The following CFAP20DC variants were observed in gnomAD, a reference collection of about 807,000 sequenced individuals.
CFAP20DC encodes CFAP20 domain containing.
CFAP20DC carries 84 observed loss-of-function variants against 101.7 expected under a neutral mutation model. The observed-to-expected ratio is 0.83, with a 90% CI of 0.69 to 0.99. CFAP20DC has a LOEUF of 0.99. CFAP20DC is among the 50% of genes least tolerant of loss of function. The probability of loss-of-function intolerance (pLI) is 0.00; values close to 1 mark genes in which losing one functional copy is unlikely to be tolerated. For synonymous variants in CFAP20DC, 359 were observed against 351.2 expected, an observed-to-expected ratio of 1.02 and a Z score of -0.25; for missense variants, 1,007 against 970.3, an observed-to-expected ratio of 1.04 and a Z score of -0.50.
At position 58,742,309 on chromosome 3, in the gene CFAP20DC, T is replaced by C. The variant is rs1396193970; in HGVS notation, c.*151A>G. 1.6e-6 allele frequency: 2 copies of C among 1,252,168 alleles called. No homozygotes were observed. Among genetic ancestry groups the C allele is most frequent in the Non-Finnish European group, 2.0e-6 (2 of 992,820 alleles). The allele number at this position is 1,252,168 out of a possible 1,614,324, so 77.6% of individuals were successfully genotyped here. A position where few individuals can be genotyped will look rare whatever the true frequency, so the allele number is the denominator to read the frequency against. On this transcript the variant is annotated 3_prime_UTR_variant, in exon 17 of 17. Transcript: ENST00000482387. The stretch of plus-strand genomic sequence containing the variant: ...AAAAGGAATATAGGTATTCTTAACG[T>C]TGAACATTATTTACAAAATGAATTC...
At chr3:58,919,310 C>T (rs2085084301) in intron 5 of CFAP20DC, among the ~76,000 whole-genome samples, 1 of 151,966 alleles carries the variant, frequency 6.6e-6, no homozygotes, top group Non-Finnish European at 1.5e-5. Flanking sequence ...CCACAATTTG[C>T]TCGTTCTTCT....
intron 15 of CFAP20DC, among the ~76,000 whole-genome samples, chr3:58,758,889 AG>A (rs1316627917): frequency 2.6e-4 from 39 of 152,256 alleles, no homozygotes; most frequent in African/African-American, 8.9e-4. Context: ...ATGGCTGCAT[AG>A]TATTCCATGG....
chr3:58,977,728 T>TAAA (rs57717110), intron 4 of CFAP20DC, among the ~76,000 whole-genome samples: 1 of 116,482 alleles, frequency 8.6e-6, no homozygotes. Flanking sequence ...AGTGGCGAAG[T>TAAA]AAAAAAAAAA....
chr3:58,899,823 G>A lies in CFAP20DC; in HGVS notation c.550+13885C>T, dbSNP rs756953538. ...AAGCTGTTTGCCTAGTCAGTAATGT[G>A]AGAACCTGGATATTTCAGCTGAGGG... On this transcript the variant is annotated intron_variant, in intron 6 of 16. Transcript: ENST00000482387. The surrounding 1 kb of genome is among the most constrained non-coding windows in gnomAD (Gnocchi z 5.0). 2.8e-4 allele frequency among the ~76,000 whole-genome samples: 42 copies of A among 152,132 alleles called. No individual in the cohort carries two copies. Among genetic ancestry groups the A allele is most frequent in the Non-Finnish European group, 5.0e-4 (34 of 68,026 alleles).
At chr3:58,830,663 ATAAATGAG>A (rs2076337844) in intron 14 of CFAP20DC, among the ~76,000 whole-genome samples, 1 of 152,210 alleles carries the variant, frequency 6.6e-6, no homozygotes, top group South Asian at 2.1e-4. Flanking sequence ...ATAGTTATAT[ATAAATGAG>A]TAAAAGTTAT....
intron 4 of CFAP20DC, among the ~76,000 whole-genome samples, chr3:58,951,089 G>T (rs1469867503): frequency 6.6e-6 from 1 of 151,818 alleles, no homozygotes; most frequent in Non-Finnish European, 1.5e-5. Flanking sequence ...ATCAACAAGT[G>T]GGTGAAGGAT....
chr3:58,817,030 A>G (rs1194103458), intron 14 of CFAP20DC, among the ~76,000 whole-genome samples: 1 of 152,134 alleles, frequency 6.6e-6, no homozygotes, highest in African/African-American at 2.4e-5. Context: ...GCAGCAGCAC[A>G]CTGACACCTC....
intron 5 of CFAP20DC, among the ~76,000 whole-genome samples, chr3:58,930,127 C>A (rs931642689): frequency 1.9e-4 from 29 of 152,162 alleles, no homozygotes; most frequent in Admixed American, 6.5e-5. Flanking sequence ...CTGACTCTTG[C>A]TCTCACAGAA....
At chr3:58,993,124 A>C (rs1264602039) in intron 4 of CFAP20DC, among the ~76,000 whole-genome samples, 1 of 152,230 alleles carries the variant, frequency 6.6e-6, no homozygotes, top group Non-Finnish European at 1.5e-5. Context: ...GAATATATCT[A>C]ACACCACAGA....
chr3:58,856,122 A>T (rs1371578082), intron 12 of CFAP20DC, among the ~76,000 whole-genome samples: 1 of 151,764 alleles, frequency 6.6e-6, no homozygotes, highest in Non-Finnish European at 1.5e-5. Context: ...AATAATACTA[A>T]AAAAAAACCC....
Position 59,006,740 on chromosome 3 carries a change from G to A in CFAP20DC, c.278+32817C>T, listed in dbSNP as rs139418637. On this transcript the variant is annotated intron_variant, in intron 4 of 16. Coordinates refer to ENST00000482387, the MANE Select transcript of CFAP20DC (RefSeq NM_001394063.1). This position sits in a 1 kb window ranked among gnomAD's most constrained non-coding sequence, Gnocchi z 4.3. Reference sequence around the variant, plus strand: ...TAGGGGAAGACAGCCAGCAGAATTAGGGAGGGGTCACAAGATGAATGAAGC... The same window carrying A: ...TAGGGGAAGACAGCCAGCAGAATTAAGGAGGGGTCACAAGATGAATGAAGC... 3.9e-5 allele frequency among the ~76,000 whole-genome samples: 6 copies of A among 152,276 alleles called. No homozygotes were observed. In the East Asian group the frequency reaches 1.2e-3, roughly 29 times the overall value.
chr3:58,998,665 T>C (rs1432162350), intron 4 of CFAP20DC, among the ~76,000 whole-genome samples: 2 of 152,168 alleles, frequency 1.3e-5, no homozygotes, highest in Non-Finnish European at 2.9e-5. Context: ...AGCCATGTGA[T>C]AGACATTAGT....
chr3:58,887,976 A>T (rs2081799157), intron 6 of CFAP20DC, among the ~76,000 whole-genome samples: 1 of 152,228 alleles, frequency 6.6e-6, no homozygotes, highest in Non-Finnish European at 1.5e-5. Context: ...TTGTGAAACC[A>T]AACTATGAAA....
intron 4 of CFAP20DC, among the ~76,000 whole-genome samples, chr3:59,026,005 C>T (rs58758391): frequency 0.018 from 2,674 of 151,926 alleles, 64 homozygotes; most frequent in African/African-American, 0.06. Flanking sequence ...ATATACCTAC[C>T]ACATATGTTA....
intron 4 of CFAP20DC, among the ~76,000 whole-genome samples, chr3:58,996,892 A>T (rs1362291525): frequency 5.9e-5 from 9 of 152,146 alleles, no homozygotes; most frequent in African/African-American, 2.2e-4. Flanking sequence ...GGAAGAGCGC[A>T]CACCGGGGTG....
At chr3:58,902,205 T>C (rs1012270286) in intron 6 of CFAP20DC, among the ~76,000 whole-genome samples, 1 of 152,226 alleles carries the variant, frequency 6.6e-6, no homozygotes, top group African/African-American at 2.4e-5. Flanking sequence ...TGATGAACAC[T>C]TGGGCTGTTT....
In CFAP20DC at chr3:58,993,368, C is replaced by A. The variant is rs553971137; in HGVS notation, c.278+46189G>T. 5.8e-4 allele frequency among the ~76,000 whole-genome samples: 88 copies of A among 152,242 alleles called. 1 individual carries two copies. The South Asian group carries it at 7.3e-3, about 13-fold the overall frequency. On this transcript the variant is annotated intron_variant, in intron 4 of 16. Coordinates refer to ENST00000482387, the MANE Select transcript of CFAP20DC (RefSeq NM_001394063.1). ...GTGTGATTGACTGAAATAGAGAACG[C>A]TGTTTACCCCTAATTCTGGCCTCTT... is the stretch of plus-strand genomic sequence containing the variant.
Position 59,026,722 on chromosome 3 carries a change from C to T in CFAP20DC, c.278+12835G>A, listed in dbSNP as rs1232515683. Among the ~76,000 whole-genome samples, 4 of 152,102 alleles carry T rather than the reference C, an allele frequency of 2.6e-5. No individual in the cohort carries two copies. In the South Asian group the frequency reaches 6.2e-4, roughly 24 times the overall value. On this transcript the variant is annotated intron_variant, in intron 4 of 16. Coordinates refer to ENST00000482387, the MANE Select transcript of CFAP20DC (RefSeq NM_001394063.1). ...TTTCAAAGGAGCCTACTGTCTCTAACGTCACTGAAGAAGGAAAGGTAGGAG... is the reference window on the plus strand; with the variant it reads ...TTTCAAAGGAGCCTACTGTCTCTAATGTCACTGAAGAAGGAAAGGTAGGAG...
chr3:58,740,155 TGAGAA>T (rs1323318218), downstream of CFAP20DC, among the ~76,000 whole-genome samples: 1 of 152,006 alleles, frequency 6.6e-6, no homozygotes, highest in African/African-American at 2.4e-5. The surrounding 1 kb of genome is among the most constrained non-coding windows in gnomAD (Gnocchi z 4.6). Flanking sequence ...GAGAAATGTA[TGAGAA>T]GAGAGAAGAG....
Sources: gnomAD v4.1 joint callset for allele counts (sites outside exome capture counted in the v4.1 genomes callset) on GRCh38, gnomAD v4.1.1 for gene constraint, Gnocchi (gnomAD v3.1) non-coding constraint, MANE v1.5 for transcripts, NCBI Gene and HGNC (gene_info 2026-07-23, HGNC 2026-07-21) for gene names.